The following GNE variants were observed in gnomAD, a reference collection of about 807,000 sequenced individuals.
GNE encodes the protein bifunctional UDP-N-acetylglucosamine 2-epimerase/N-acetylmannosamine kinase.
Under a neutral mutation model 61.8 loss-of-function variants are expected in GNE, and 41 were observed. The ratio of observed to expected loss-of-function variants is 0.66; its 90% confidence interval spans 0.52 to 0.86. The LOEUF (loss-of-function observed/expected upper bound fraction) is 0.86. GNE is among the 40% of genes least tolerant of loss of function. The pLI is 0.00. For synonymous variants in GNE, 264 were observed against 326.4 expected (o/e 0.81, Z 2.06); for missense variants, 608 against 909.1 (o/e 0.67, Z 4.26).
At chr9:36,230,630 A>G (rs1829100779) in intron 5 of GNE, among the ~76,000 whole-genome samples, 1 of 149,420 alleles carries the variant, frequency 6.7e-6, no homozygotes, top group African/African-American at 2.5e-5. Context: ...CTAATTTTAA[A>G]ATTTTTTTGT....
At position 36,214,690 on chromosome 9, in the gene GNE, A is replaced by G. The variant is rs955720198; in HGVS notation, c.*2675T>C. The G allele has an allele frequency of 2.6e-5, 4 of 152,218 alleles. No individual in the cohort carries two copies. Among genetic ancestry groups the G allele is most frequent in the African/African-American group, 7.2e-5 (3 of 41,452 alleles). The allele number at this position is 152,218 out of a possible 1,614,324, so 9.4% of individuals were successfully genotyped here. A position where few individuals can be genotyped will look rare whatever the true frequency, so the allele number is the denominator to read the frequency against. ...TCTGATGTACAGAGCAGATTTCACC[A>G]TGAGAGATTACACCAAAGAACAGAT... On this transcript the variant is annotated 3_prime_UTR_variant, in exon 12 of 12. Transcript: ENST00000642385.
At chr9:36,229,229 CT>C (rs1829033592) in intron 5 of GNE, 121 bp from the exon 6 acceptor site, 27 of 738,454 alleles carry the variant, frequency 3.7e-5, no homozygotes, top group South Asian at 3.6e-4. Context: ...CAGGTTAAGT[CT>C]TTTGTTAGGG....
chr9:36,234,120 A>T lies in GNE; in HGVS notation c.782T>A (p.Met261Lys). 1 of 1,613,426 alleles carries T rather than the reference A, an allele frequency of 6.2e-7. No homozygotes were observed. Among genetic ancestry groups the T allele is most frequent in the East Asian group, 2.2e-5 (1 of 44,886 alleles). ...GCCCTTCTTCCGCATCACTCGAACC[A>T]TCTCTTTGCTCCCTATGAAAATGAA... ...FPNIDAGSKE[M>K]VRVMRKKGIE... The change falls in exon 5 of 12, where the codon ATG (methionine) becomes AAG (lysine). Residue 261 changes from methionine to lysine, a missense_variant. Transcript: ENST00000642385.
intron 1 of GNE, among the ~76,000 whole-genome samples, chr9:36,254,824 C>T (rs1308398723): frequency 2.6e-5 from 4 of 151,686 alleles, no homozygotes; most frequent in Non-Finnish European, 5.9e-5. Flanking sequence ...TGGTGGCAGG[C>T]GCCTGTAATC....
intron 1 of GNE, 133 bp from the exon 2 acceptor site, chr9:36,249,530 A>T (rs1830032960): frequency 4.7e-6 from 3 of 636,294 alleles, no homozygotes; most frequent in Non-Finnish European, 8.1e-6. Flanking sequence ...GTGATTCTTA[A>T]TCTTTTTTTG....
chr9:36,275,910 C>T (rs536039346), intron 1 of GNE, among the ~76,000 whole-genome samples: 2 of 152,172 alleles, frequency 1.3e-5, no homozygotes, highest in Non-Finnish European at 2.9e-5. Flanking sequence ...AGGGGCTCAA[C>T]GCCTGTAATC....
upstream of GNE, among the ~76,000 whole-genome samples, chr9:36,260,768 C>T (rs2133173866): frequency 6.8e-6 from 1 of 147,262 alleles, no homozygotes; most frequent in South Asian, 2.2e-4. Context: ...ACTCGGGAGG[C>T]TGAGGCAGGA....
At chr9:36,251,296 G>A (rs1830097838) in intron 1 of GNE, among the ~76,000 whole-genome samples, 1 of 152,124 alleles carries the variant, frequency 6.6e-6, no homozygotes, top group Admixed American at 6.6e-5. Context: ...CCCATTCACA[G>A]ATATACTGTT....
intron 6 of GNE, among the ~76,000 whole-genome samples, chr9:36,228,064 A>G (rs1055913453): frequency 1.3e-5 from 2 of 151,296 alleles, no homozygotes; most frequent in Non-Finnish European, 2.9e-5. Flanking sequence ...ACCAACAATA[A>G]CAAAAAAGAA....
chr9:36,255,606 T>G (rs1411507701), intron 1 of GNE, among the ~76,000 whole-genome samples: 1 of 152,160 alleles, frequency 6.6e-6, no homozygotes. Flanking sequence ...CACTCCAGCC[T>G]GGGTGACAGA....
At chr9:36,258,490 C>G (rs1350103551), upstream of GNE, 1 of 985,450 alleles carries the variant, frequency 1.0e-6, no homozygotes, top group African/African-American at 1.7e-5. Context: ...GCTCGCCCAG[C>G]CACGCCCACC....
intron 5 of GNE, among the ~76,000 whole-genome samples, chr9:36,231,639 C>T (rs1342259184): frequency 2.0e-5 from 3 of 152,134 alleles, no homozygotes; most frequent in Non-Finnish European, 4.4e-5. Flanking sequence ...CAAGCAATAG[C>T]TAGAGCAACC....
At chr9:36,272,620 C>CAAAAAAAA (rs58934783) in intron 1 of GNE, among the ~76,000 whole-genome samples, 4 of 74,092 alleles carry the variant, frequency 5.4e-5, no homozygotes, top group Admixed American at 2.0e-4. Flanking sequence ...GACTCCGCCT[C>CAAAAAAAA]AAAAAAAAAA....
In GNE at chr9:36,275,724, A is replaced by G. The variant is rs371900225; in HGVS notation, c.51+1170T>C. Reference sequence around the variant, plus strand: ...TTACAAGTTCCAGCTAGAAGCTCAGAAAGTCTGACCTTGAATTTCAATTTA... The same window carrying G: ...TTACAAGTTCCAGCTAGAAGCTCAGGAAGTCTGACCTTGAATTTCAATTTA... On this transcript the variant is annotated intron_variant, in intron 1 of 11. Coordinates refer to the GNE transcript ENST00000396594. Among the ~76,000 whole-genome samples the G allele has an allele frequency of 1.4e-3, 218 of 152,334 alleles. 7 individuals are homozygous for G. The South Asian group carries it at 0.044, about 31-fold the overall frequency.
chr9:36,229,831 C>G (rs550695641), intron 5 of GNE, among the ~76,000 whole-genome samples: 15 of 152,156 alleles, frequency 9.9e-5, no homozygotes, highest in Non-Finnish European at 1.9e-4. Context: ...ATGCCCACAC[C>G]CTGCTATAAA....
Position 36,276,789 on chromosome 9 carries a change from T to TG in GNE, c.51+104_51+105insC. ...TTAAAAATGATGGATTTGATAGATTTAAAACCAAAGCTTTCCTCTTCCTCT... is the reference window on the plus strand; with the variant it reads ...TTAAAAATGATGGATTTGATAGATTTGAAAACCAAAGCTTTCCTCTTCCTCT... On this transcript the variant is annotated intron_variant, in intron 1 of 11. Coordinates refer to the GNE transcript ENST00000396594. 3.3e-6 allele frequency: 3 copies of TG among 898,106 alleles called. No individual in the cohort carries two copies. The South Asian group carries it at 4.6e-5, about 14-fold the overall frequency. 55.6% of individuals were successfully genotyped at this position (898,106 alleles called of 1,614,324 possible).
chr9:36,218,396 C>T lies in GNE; in HGVS notation c.1817-97G>A, dbSNP rs1476975400. 27 of 841,758 alleles carry T rather than the reference C, an allele frequency of 3.2e-5. No homozygotes were observed. The highest frequency in any genetic ancestry group is 3.9e-5 in the Non-Finnish European group (19 of 489,592). The allele number at this position is 841,758 out of a possible 1,614,324, so 52.1% of individuals were successfully genotyped here. The stretch of plus-strand genomic sequence containing the variant: ...GAAAGCAAGCCCCTACATGGGAAGA[C>T]GGTGTTTTCTTTTCACAATTGCAAA... On this transcript the variant is annotated intron_variant, in intron 10 of 11. Coordinates refer to ENST00000642385, the MANE Select transcript of GNE (RefSeq NM_005476.7). This position sits in a 1 kb window ranked among gnomAD's most constrained non-coding sequence, Gnocchi z 4.1.
chr9:36,265,771 G>A (rs1830756212), intron 1 of GNE, among the ~76,000 whole-genome samples: 1 of 152,076 alleles, frequency 6.6e-6, no homozygotes, highest in Non-Finnish European at 1.5e-5. Context: ...TTCTCATAAG[G>A]AGCGTTCAAC....
chr9:36,243,068 A>G (rs537387535), intron 3 of GNE, among the ~76,000 whole-genome samples: 1 of 151,882 alleles, frequency 6.6e-6, no homozygotes, highest in East Asian at 1.9e-4. Context: ...TTTTTGAGAC[A>G]GGGTCTTATT....
Sources: gnomAD v4.1 joint callset for allele counts (sites outside exome capture counted in the v4.1 genomes callset) on GRCh38, gnomAD v4.1.1 for gene constraint, Gnocchi (gnomAD v3.1) non-coding constraint, MANE v1.5 for transcripts, NCBI Gene and HGNC (gene_info 2026-07-23, HGNC 2026-07-21) for gene names.